The following MRPS28 variants were observed in gnomAD, a reference collection of about 807,000 sequenced individuals.
MRPS28 encodes mitochondrial ribosomal protein S28.
In MRPS28, 7 loss-of-function variants were observed where a neutral mutation model predicts 10.8. The ratio of observed to expected loss-of-function variants is 0.65; its 90% confidence interval spans 0.37 to 1.22. MRPS28 has a LOEUF of 1.22. MRPS28 is among the 50% of genes most tolerant of loss of function. The pLI is 0.02. For missense variants in MRPS28, 265 were observed against 232.9 expected, an observed-to-expected ratio of 1.14 and a Z score of -0.90; for synonymous variants, 121 against 93.3, an observed-to-expected ratio of 1.30 and a Z score of -1.71.
At chr8:79,983,970 T>C (rs1442180345) in intron 2 of MRPS28, among the ~76,000 whole-genome samples, 1 of 152,004 alleles carries the variant, frequency 6.6e-6, no homozygotes, top group African/African-American at 2.4e-5. Context: ...GACACATAAT[T>C]GTCAGATTCA....
chr8:79,923,668 G>A (rs906703249), intron 2 of MRPS28, among the ~76,000 whole-genome samples: 5 of 151,976 alleles, frequency 3.3e-5, no homozygotes, highest in African/African-American at 7.2e-5. Context: ...CATTCAAAAC[G>A]AAAATAGCCT....
At chr8:79,934,335 T>G (rs561508723) in intron 2 of MRPS28, among the ~76,000 whole-genome samples, 1 of 152,320 alleles carries the variant, frequency 6.6e-6, no homozygotes, top group East Asian at 1.9e-4. Context: ...TAATTAGGGT[T>G]GATTTTAAGG....
chr8:79,936,017 T>A (rs145407771), intron 2 of MRPS28, among the ~76,000 whole-genome samples: 3 of 151,738 alleles, frequency 2.0e-5, no homozygotes, highest in African/African-American at 7.2e-5. Context: ...ATCCACATAC[T>A]TTTGCTATTA....
intron 2 of MRPS28, among the ~76,000 whole-genome samples, chr8:79,986,053 T>C (rs527278953): frequency 6.6e-6 from 1 of 152,150 alleles, no homozygotes; most frequent in Non-Finnish European, 1.5e-5. Flanking sequence ...CTGAATCCAG[T>C]AGCACATCAA....
At chr8:80,024,039 G>T (rs977065224) in intron 1 of MRPS28, among the ~76,000 whole-genome samples, 1 of 152,108 alleles carries the variant, frequency 6.6e-6, no homozygotes, top group Non-Finnish European at 1.5e-5. Flanking sequence ...GAGCAGCCTG[G>T]GCAATATGGC....
chr8:79,958,295 A>G (rs913305064), intron 2 of MRPS28: 18 of 664,874 alleles, frequency 2.7e-5, no homozygotes, highest in Admixed American at 7.4e-5. Context: ...TTCATTTGGC[A>G]TAATGTTTTC....
chr8:79,948,035 TG>T (rs1330148723), intron 2 of MRPS28, among the ~76,000 whole-genome samples: 3 of 151,232 alleles, frequency 2.0e-5, no homozygotes, highest in Non-Finnish European at 4.4e-5. Flanking sequence ...TCACCCAGGC[TG>T]GAGTGCAGTG....
rs191834607 is a variant in MRPS28, at chr8:79,926,609, T to C, written c.396-7461A>G. 5.3e-5 allele frequency among the ~76,000 whole-genome samples: 8 copies of C among 152,268 alleles called. No homozygotes were observed. In the East Asian group the frequency reaches 1.5e-3, roughly 29 times the overall value. Reference sequence around the variant, plus strand: ...CTAGAATACTATTCAAGTGGACAAGTCTAGTAGCAACCTTCAACATATATA... The same window carrying C: ...CTAGAATACTATTCAAGTGGACAAGCCTAGTAGCAACCTTCAACATATATA... On this transcript the variant is annotated intron_variant, in intron 2 of 2. Transcript: ENST00000276585.
At chr8:79,981,102 G>A (rs984414006) in intron 2 of MRPS28, among the ~76,000 whole-genome samples, 2 of 152,210 alleles carry the variant, frequency 1.3e-5, no homozygotes, top group East Asian at 3.9e-4. Flanking sequence ...GCCGAAGCTG[G>A]CAGATTGCTT....
rs551024601 is a variant in MRPS28 at position 80,020,484 on chromosome 8, T to C, written c.213+9552A>G. ...AATGCTGGTCAATGAAAATGGTAAG[T>C]ATGAAGAAAAGAGAAAAGCTGTGAG... On this transcript the variant is annotated intron_variant, in intron 1 of 2. Transcript: ENST00000276585. Among the ~76,000 whole-genome samples, 26 of 152,230 alleles carry C rather than the reference T, an allele frequency of 1.7e-4. No individual in the cohort carries two copies. The South Asian group carries it at 4.4e-3, about 25-fold the overall frequency.
At chr8:79,984,521 A>G (rs1448960435) in intron 2 of MRPS28, among the ~76,000 whole-genome samples, 4 of 152,242 alleles carry the variant, frequency 2.6e-5, no homozygotes, top group Non-Finnish European at 5.9e-5. Context: ...CGCTGTATTC[A>G]GGAGACCCAT....
At chr8:79,978,266 T>A (rs1807853916) in intron 2 of MRPS28, among the ~76,000 whole-genome samples, 1 of 152,344 alleles carries the variant, frequency 6.6e-6, no homozygotes, top group Admixed American at 6.5e-5. Context: ...TTATACTTAA[T>A]GTTTTTTAAT....
intron 2 of MRPS28, among the ~76,000 whole-genome samples, chr8:79,934,974 GC>G (rs1806566258): frequency 6.6e-6 from 1 of 152,164 alleles, no homozygotes; most frequent in African/African-American, 2.4e-5. Flanking sequence ...ACTAGTGCTT[GC>G]AAAAGTAATT....
chr8:79,950,439 T>C (rs1417984257), intron 2 of MRPS28, among the ~76,000 whole-genome samples: 1 of 152,180 alleles, frequency 6.6e-6, no homozygotes, highest in Non-Finnish European at 1.5e-5. Flanking sequence ...AAATATACTT[T>C]AGGATATTAG....
intron 1 of MRPS28, among the ~76,000 whole-genome samples, chr8:80,010,800 G>A (rs566496742): frequency 8.5e-5 from 13 of 152,308 alleles, no homozygotes; most frequent in African/African-American, 3.1e-4. Context: ...GGGAGGGTAT[G>A]ATGATGAATT....
At chr8:79,933,908 T>C (rs1254102998) in intron 2 of MRPS28, among the ~76,000 whole-genome samples, 2 of 152,216 alleles carry the variant, frequency 1.3e-5, no homozygotes, top group Non-Finnish European at 2.9e-5. Flanking sequence ...TAATTATTGT[T>C]TGCACAGTTC....
intron 2 of MRPS28, among the ~76,000 whole-genome samples, chr8:79,933,523 T>C (rs1452501352): frequency 2.0e-5 from 3 of 152,212 alleles, no homozygotes; most frequent in African/African-American, 7.2e-5. Context: ...ATCATATGAA[T>C]GCCTATTTGC....
At chr8:79,951,778 T>G (rs1488825401) in intron 2 of MRPS28, among the ~76,000 whole-genome samples, 3 of 152,216 alleles carry the variant, frequency 2.0e-5, no homozygotes, top group Non-Finnish European at 4.4e-5. Context: ...TTTTGGATAT[T>G]ATGCCTAGCA....
chr8:79,936,026 T>G (rs946762940), intron 2 of MRPS28, among the ~76,000 whole-genome samples: 51 of 151,650 alleles, frequency 3.4e-4, no homozygotes, highest in Admixed American at 3.2e-3. Flanking sequence ...CTTTTGCTAT[T>G]AATATTAAAT....
Sources: gnomAD v4.1 joint callset for allele counts (sites outside exome capture counted in the v4.1 genomes callset) on GRCh38, gnomAD v4.1.1 for gene constraint, MANE v1.5 for transcripts, NCBI Gene and HGNC (gene_info 2026-07-23, HGNC 2026-07-21) for gene names.